TENM1: variants seen among roughly 807,000 people sequenced by gnomAD.
TENM1 encodes teneurin transmembrane protein 1, also known as teneurin-1.
A neutral mutation model predicts 174.8 loss-of-function variants in TENM1; 35 were observed. That is an observed-to-expected ratio of 0.20 (90% CI 0.15 to 0.27). The LOEUF (loss-of-function observed/expected upper bound fraction) is 0.27. Ranked by LOEUF, TENM1 falls within the 10% of genes least tolerant of loss-of-function variation. The pLI is 1.00. For missense variants in TENM1, 1,633 were observed against 2,130.1 expected, an observed-to-expected ratio of 0.77 and a Z score of 4.59; for synonymous variants, 781 against 798.7, an observed-to-expected ratio of 0.98 and a Z score of 0.37.
intron 25 of TENM1, among the ~76,000 whole-genome samples, chrX:124,411,482 G>A (rs1004212505): frequency 1.2e-4 from 13 of 111,606 alleles, no homozygotes; most frequent in Non-Finnish European, 2.4e-4. Context: ...TCTGTGGCCA[G>A]AGAGGCCAAT....
At chrX:124,443,044 A>ATG (rs59365041) in intron 23 of TENM1, among the ~76,000 whole-genome samples, 4,324 of 51,629 alleles carry the variant, frequency 0.084, 240 homozygotes, top group Non-Finnish European at 0.095. Flanking sequence ...CTGGATGACT[A>ATG]TGTGTGTGTG....
chrX:124,377,016 T>C lies in TENM1; in HGVS notation c.*3520A>G, dbSNP rs1052141729. 9 of 110,843 alleles carry C rather than the reference T, an allele frequency of 8.1e-5. No individual in the cohort carries two copies. In the Admixed American group the frequency reaches 8.7e-4, roughly 11 times the overall value. 9.1% of individuals were successfully genotyped at this position (110,843 alleles called of 1,213,427 possible). ...ACTGTACTTTTGCTTCTATTACCAA[T>C]GAACTCCATTACAATCACCCTTACA... On this transcript the variant is annotated 3_prime_UTR_variant, in exon 32 of 32. Transcript: ENST00000422452.
chrX:125,178,680 A>G, the TENM1 span, among the ~76,000 whole-genome samples: 1 of 111,914 alleles, frequency 8.9e-6, no homozygotes, highest in Non-Finnish European at 1.9e-5. Flanking sequence ...GCTAGGTCAC[A>G]CGGGTGTTCA....
At chrX:124,879,250 C>T (rs771567336) in intron 3 of TENM1, among the ~76,000 whole-genome samples, 1 of 112,063 alleles carries the variant, frequency 8.9e-6, no homozygotes, top group East Asian at 2.8e-4. Flanking sequence ...ATCTTTGTAA[C>T]CGTTAATAAA....
chrX:124,933,175 C>T (rs1167354840), intron 1 of TENM1, among the ~76,000 whole-genome samples: 1 of 112,154 alleles, frequency 8.9e-6, no homozygotes, highest in Non-Finnish European at 1.9e-5. Flanking sequence ...AGCCCTACTT[C>T]CAGATTTTTA....
intron 11 of TENM1, among the ~76,000 whole-genome samples, chrX:124,614,033 G>A (rs932681989): frequency 9.0e-6 from 1 of 111,435 alleles, no homozygotes; most frequent in Admixed American, 9.5e-5. Flanking sequence ...CGATATATGC[G>A]CCCCAAGGCT....
the TENM1 span, among the ~76,000 whole-genome samples, chrX:125,080,442 G>T: frequency 9.0e-6 from 1 of 110,686 alleles, no homozygotes; most frequent in Non-Finnish European, 1.9e-5. Flanking sequence ...ACTATAATCA[G>T]AATCAATATC....
intron 5 of TENM1, among the ~76,000 whole-genome samples, chrX:124,687,566 TAAAATTGAC>T (rs2052398592): frequency 8.9e-6 from 1 of 112,027 alleles, no homozygotes; most frequent in Admixed American, 9.5e-5. Context: ...CAACAAAAGC[TAAAATTGAC>T]AAATGGGATC....
At chrX:124,690,650 T>G (rs903909558) in intron 5 of TENM1, among the ~76,000 whole-genome samples, 14 of 110,257 alleles carry the variant, frequency 1.3e-4, no homozygotes, top group Non-Finnish European at 2.3e-4. Flanking sequence ...GTGAGTGGAT[T>G]CCTCATAAAT....
chrX:125,126,041 A>G, the TENM1 span, among the ~76,000 whole-genome samples: 1 of 112,223 alleles, frequency 8.9e-6, no homozygotes, highest in Non-Finnish European at 1.9e-5. Context: ...GGCTGTTTCT[A>G]AACGTTTACT....
At chrX:124,842,339 T>G (rs1234270868) in intron 3 of TENM1, among the ~76,000 whole-genome samples, 1 of 111,789 alleles carries the variant, frequency 8.9e-6, no homozygotes, top group Non-Finnish European at 1.9e-5. Flanking sequence ...TGAATTCCTG[T>G]GCTTGAAACA....
chrX:124,592,756 GT>G (rs35171520), intron 11 of TENM1, among the ~76,000 whole-genome samples: 19,451 of 78,547 alleles, frequency 0.25, 2,105 homozygotes, highest in African/African-American at 0.4. Context: ...AGGCCTTACT[GT>G]TTTTTTTTTT....
At chrX:125,078,233 T>C in the TENM1 span, among the ~76,000 whole-genome samples, 3 of 112,040 alleles carry the variant, frequency 2.7e-5, no homozygotes, top group Non-Finnish European at 3.8e-5. Flanking sequence ...ATATGGGTTA[T>C]GAATTCCAAG....
At chrX:125,052,764 T>G in the TENM1 span, among the ~76,000 whole-genome samples, 1 of 112,491 alleles carries the variant, frequency 8.9e-6, no homozygotes, top group Non-Finnish European at 1.9e-5. Context: ...CCAACAGCAC[T>G]GAGTGTTTTT....
chrX:124,970,631 AAAC>A, the TENM1 span, among the ~76,000 whole-genome samples: 1 of 111,869 alleles, frequency 8.9e-6, no homozygotes, highest in Non-Finnish European at 1.9e-5. Context: ...ATAAAAGTAC[AAAC>A]AACAGGTGCT....
In TENM1 at chrX:124,585,546, T is replaced by G. The variant is rs748552076; in HGVS notation, c.2078-19986A>C. Among the ~76,000 whole-genome samples, 73 of 111,062 alleles carry G rather than the reference T, an allele frequency of 6.6e-4. 3 individuals carry two copies. In the East Asian group the frequency reaches 9.0e-3, roughly 14 times the overall value. ...GGACACATTCAAAGCAGTGTGTAGA[T>G]GGAAATTTATAGCACTAAATGCCCA... On this transcript the variant is annotated intron_variant, in intron 11 of 31. Transcript: ENST00000422452.
the TENM1 span, among the ~76,000 whole-genome samples, chrX:125,031,769 A>G: frequency 8.9e-6 from 1 of 111,991 alleles, no homozygotes; most frequent in Non-Finnish European, 1.9e-5. Context: ...GTTTCTTCTT[A>G]TTTTCCTACT....
At chrX:124,529,252 T>C (rs940177878) in intron 16 of TENM1, among the ~76,000 whole-genome samples, 2 of 112,009 alleles carry the variant, frequency 1.8e-5, no homozygotes, top group African/African-American at 6.5e-5. Flanking sequence ...AAAAATGTTG[T>C]TGTGAGCAAA....
intron 1 of TENM1, among the ~76,000 whole-genome samples, chrX:124,937,705 T>C (rs1288771304): frequency 8.9e-6 from 1 of 112,054 alleles, no homozygotes; most frequent in Non-Finnish European, 1.9e-5. Flanking sequence ...ATACAAACGA[T>C]GTTTGTTTAT....
Sources: gnomAD v4.1 joint callset for allele counts (sites outside exome capture counted in the v4.1 genomes callset) on GRCh38, gnomAD v4.1.1 for gene constraint, MANE v1.5 for transcripts, NCBI Gene and HGNC (gene_info 2026-07-23, HGNC 2026-07-21) for gene names.